Variants in CDH17 observed in about 807,000 individuals in gnomAD.
CDH17 encodes the protein cadherin 17.
Under a neutral mutation model 86.3 loss-of-function variants are expected in CDH17, and 67 were observed. The ratio of observed to expected loss-of-function variants is 0.78; its 90% CI spans 0.64 to 0.95. The LOEUF is 0.95. Ranked by LOEUF, CDH17 falls within the 40% of genes least tolerant of loss-of-function variation. CDH17 has a pLI of 0.00. For missense variants in CDH17, 993 were observed against 1,017.6 expected, an observed-to-expected ratio of 0.98 and a Z score of 0.33; for synonymous variants, 367 against 366.4, an observed-to-expected ratio of 1.00 and a Z score of -0.02.
At chr8:94,197,755 T>C (rs62523262) in intron 1 of CDH17, among the ~76,000 whole-genome samples, 56,660 of 149,650 alleles carry the variant, frequency 0.38, 11,548 homozygotes, top group Non-Finnish European at 0.48. Context: ...TGCTTGAACC[T>C]GGAAGGCAGA....
At chr8:94,148,541 C>CA (rs59942237) in intron 14 of CDH17, among the ~76,000 whole-genome samples, 5,150 of 29,112 alleles carry the variant, frequency 0.18, 1,177 homozygotes, top group East Asian at 0.45. Flanking sequence ...GACTCCATCT[C>CA]AAAAAAAAAA....
chr8:94,152,203 G>A (rs1037035861), intron 12 of CDH17, 91 bp from the exon 13 acceptor site: 74 of 1,358,880 alleles, frequency 5.4e-5, no homozygotes, highest in Non-Finnish European at 6.1e-5. Flanking sequence ...TCATATATTC[G>A]ATATATAATA....
chr8:94,139,489 A>G (rs1812594170), intron 15 of CDH17, among the ~76,000 whole-genome samples: 2 of 152,236 alleles, frequency 1.3e-5, no homozygotes, highest in Non-Finnish European at 2.9e-5. Flanking sequence ...CAGGAATAAG[A>G]AAAATGAATA....
chr8:94,176,233 G>A (rs1184153486), intron 5 of CDH17, among the ~76,000 whole-genome samples: 1 of 152,092 alleles, frequency 6.6e-6, no homozygotes, highest in African/African-American at 2.4e-5. Flanking sequence ...CATTTTTATT[G>A]CCACAACTTG....
chr8:94,140,033 G>A (rs1458755983), intron 15 of CDH17, among the ~76,000 whole-genome samples: 1 of 152,140 alleles, frequency 6.6e-6, no homozygotes, highest in Non-Finnish European at 1.5e-5. Context: ...AAGGTATAAG[G>A]TATAGGAAAT....
chr8:94,171,602 C>T (rs574869680), intron 7 of CDH17, among the ~76,000 whole-genome samples: 86 of 152,184 alleles, frequency 5.7e-4, no homozygotes, highest in African/African-American at 2.0e-3. Context: ...ATAGACAGAG[C>T]CTGGTCTGAT....
chr8:94,182,537 G>T (rs931932146), intron 3 of CDH17, among the ~76,000 whole-genome samples: 1 of 152,028 alleles, frequency 6.6e-6, no homozygotes, highest in African/African-American at 2.4e-5. Flanking sequence ...TTCAATAGAG[G>T]CAGCAAATCA....
intron 2 of CDH17, among the ~76,000 whole-genome samples, chr8:94,193,764 T>C (rs528494352): frequency 4.6e-5 from 7 of 152,154 alleles, no homozygotes; most frequent in Non-Finnish European, 8.8e-5. Context: ...AAGTTTGAAC[T>C]GCAGATTTCC....
chr8:94,156,419 A>G (rs993110428), intron 12 of CDH17, among the ~76,000 whole-genome samples: 3 of 152,126 alleles, frequency 2.0e-5, no homozygotes, highest in Non-Finnish European at 4.4e-5. Flanking sequence ...AATTTCAAGA[A>G]ACAGGATCTC....
chr8:94,147,673 G>T (rs1812771861), intron 14 of CDH17, among the ~76,000 whole-genome samples: 1 of 152,066 alleles, frequency 6.6e-6, no homozygotes, highest in African/African-American at 2.4e-5. Flanking sequence ...TTTTTTAGTT[G>T]CCAGGCTTAT....
chr8:94,128,058 A>C lies in CDH17; in HGVS notation c.*182T>G. 1.8e-6 allele frequency: 1 copy of C among 555,820 alleles called. No individual in the cohort carries two copies. Among genetic ancestry groups the C allele is most frequent in the South Asian group, 2.1e-5 (1 of 47,930 alleles). 34.4% of individuals were successfully genotyped at this position (555,820 alleles called of 1,614,324 possible). On this transcript the variant is annotated 3_prime_UTR_variant, in exon 18 of 18. Transcript: ENST00000027335. ...CAGTGAGCTGGGATCACACCACTGTACTCCAGCCTGGGCGACAGAGCAAGA... is the reference window on the plus strand; with the variant it reads ...CAGTGAGCTGGGATCACACCACTGTCCTCCAGCCTGGGCGACAGAGCAAGA...
chr8:94,133,364 T>G (rs1008389940), intron 15 of CDH17, among the ~76,000 whole-genome samples: 1 of 152,202 alleles, frequency 6.6e-6, no homozygotes, highest in African/African-American at 2.4e-5. Context: ...TAGTTCTCCT[T>G]GAAGAGGTCC....
intron 3 of CDH17, 63 bp from the exon 4 acceptor site, chr8:94,177,784 G>GA: frequency 1.3e-6 from 2 of 1,524,830 alleles, no homozygotes; most frequent in Non-Finnish European, 1.8e-6. Flanking sequence ...GGAATTTGTA[G>GA]AAAGTCACCA....
chr8:94,211,325 A>AT (rs1393794247), upstream of CDH17, among the ~76,000 whole-genome samples: 3 of 151,804 alleles, frequency 2.0e-5, no homozygotes, highest in African/African-American at 7.3e-5. Flanking sequence ...TATTTTATTT[A>AT]TTTTTTGAGA....
Position 94,165,357 on chromosome 8 carries a change from G to A in CDH17, c.1282+404C>T, listed in dbSNP as rs535989576. On this transcript the variant is annotated intron_variant, in intron 10 of 17. Coordinates refer to ENST00000027335, the MANE Select transcript of CDH17 (RefSeq NM_004063.4). ...AGCTGTGCCAAGCTTTCCTCAGACT[G>A]TCCTAGTCTAGGACATTCCCACCAG... is the stretch of plus-strand genomic sequence containing the variant. 7.2e-5 allele frequency among the ~76,000 whole-genome samples: 11 copies of A among 152,252 alleles called. 1 individual carries two copies. In the South Asian group the frequency reaches 2.3e-3, roughly 32 times the overall value.
At chr8:94,184,376 G>A (rs1159087691) in intron 3 of CDH17, among the ~76,000 whole-genome samples, 1 of 152,140 alleles carries the variant, frequency 6.6e-6, no homozygotes, top group African/African-American at 2.4e-5. Context: ...CCAGATGATG[G>A]AATATCACTC....
rs1814029950 is a variant in CDH17, at chr8:94,206,520, C to T, written c.-21+1963G>A. ...AGCATGACAATGCCCAGCTTTCCTCCTCAGAGCTGTTGCTGTTAATGTGGA... is the reference window on the plus strand; with the variant it reads ...AGCATGACAATGCCCAGCTTTCCTCTTCAGAGCTGTTGCTGTTAATGTGGA... On this transcript the variant is annotated intron_variant, in intron 1 of 17. Transcript: ENST00000027335. Among the ~76,000 whole-genome samples, 3 of 152,192 alleles carry T rather than the reference C, an allele frequency of 2.0e-5. No homozygotes were observed. In the South Asian group the frequency reaches 6.2e-4, roughly 31 times the overall value.
intron 17 of CDH17, among the ~76,000 whole-genome samples, chr8:94,129,349 A>C (rs745405163): frequency 3.3e-5 from 5 of 152,144 alleles, no homozygotes; most frequent in Non-Finnish European, 5.9e-5. Flanking sequence ...AGTGGTTCTC[A>C]GGGAGGAAAG....
intron 15 of CDH17, among the ~76,000 whole-genome samples, chr8:94,142,116 T>C (rs951728569): frequency 3.9e-5 from 6 of 152,188 alleles, no homozygotes; most frequent in Admixed American, 6.5e-5. Context: ...TTTAAACAAA[T>C]GGTGTTAGAA....
Sources: gnomAD v4.1 joint callset for allele counts (sites outside exome capture counted in the v4.1 genomes callset) on GRCh38, gnomAD v4.1.1 for gene constraint, MANE v1.5 for transcripts, NCBI Gene and HGNC (gene_info 2026-07-23, HGNC 2026-07-21) for gene names.